Variants in CEP63 observed in about 807,000 individuals in gnomAD.
CEP63 encodes centrosomal protein 63.
In CEP63, 84 loss-of-function variants were observed where a neutral mutation model predicts 89.1. The observed-to-expected ratio is 0.94, with a 90% confidence interval of 0.79 to 1.13. CEP63 has a LOEUF of 1.13. Among genes scored for constraint, CEP63 ranks in the 50% most tolerant of loss-of-function variants. CEP63 has a pLI of 0.00. For missense variants in CEP63, 838 were observed against 813.3 expected (o/e 1.03, Z -0.37); for synonymous variants, 267 against 272.5 (o/e 0.98, Z 0.20).
chr3:134,709,362 A>G, the CEP63 span, among the ~76,000 whole-genome samples: 1 of 152,106 alleles, frequency 6.6e-6, no homozygotes, highest in Non-Finnish European at 1.5e-5. Flanking sequence ...GCTTGGAGAT[A>G]GCCAAGTTGA....
At chr3:134,519,563 C>T (rs1217317604) in intron 3 of CEP63, among the ~76,000 whole-genome samples, 1 of 152,056 alleles carries the variant, frequency 6.6e-6, no homozygotes, top group Non-Finnish European at 1.5e-5. Flanking sequence ...TTCCAGAGAA[C>T]AGAAGAAAAG....
the CEP63 span, among the ~76,000 whole-genome samples, chr3:134,705,119 C>G: frequency 6.6e-6 from 1 of 152,086 alleles, no homozygotes; most frequent in African/African-American, 2.4e-5. Context: ...TGGATTCTGT[C>G]TTAGTTCATT....
At chr3:134,672,980 C>A in the CEP63 span, among the ~76,000 whole-genome samples, 1 of 152,204 alleles carries the variant, frequency 6.6e-6, no homozygotes, top group Non-Finnish European at 1.5e-5. Context: ...TTGGTAGGAC[C>A]TGTAAGGCCC....
At chr3:134,636,787 C>A in the CEP63 span, among the ~76,000 whole-genome samples, 3 of 152,082 alleles carry the variant, frequency 2.0e-5, no homozygotes, top group Non-Finnish European at 4.4e-5. Flanking sequence ...TTTTATCAAC[C>A]CTTTAAATTT....
intron 1 of CEP63, 84 bp from the exon 2 acceptor site, chr3:134,495,212 T>C: frequency 1.0e-6 from 1 of 963,914 alleles, no homozygotes. Flanking sequence ...ATGTATGCTT[T>C]CATTCACATT....
intron 6 of CEP63, among the ~76,000 whole-genome samples, chr3:134,540,869 C>G (rs1951860296): frequency 6.6e-6 from 1 of 151,224 alleles, no homozygotes; most frequent in Non-Finnish European, 1.5e-5. Flanking sequence ...ACTGCAACCT[C>G]TGCCTCCCTT....
chr3:134,739,035 T>A, the CEP63 span, among the ~76,000 whole-genome samples: 1 of 151,728 alleles, frequency 6.6e-6, no homozygotes, highest in African/African-American at 2.4e-5. Flanking sequence ...TCATACACTG[T>A]TGGTGGGAAT....
chr3:134,746,526 A>G, the CEP63 span, among the ~76,000 whole-genome samples: 1 of 152,198 alleles, frequency 6.6e-6, no homozygotes, highest in Non-Finnish European at 1.5e-5. Context: ...GAACTAATTT[A>G]CACTCCCATC....
intron 3 of CEP63, among the ~76,000 whole-genome samples, chr3:134,511,816 C>T (rs1032018581): frequency 2.0e-5 from 3 of 152,176 alleles, no homozygotes; most frequent in Non-Finnish European, 2.9e-5. Flanking sequence ...ATGAGCCAGT[C>T]ACCTCCCACC....
intron 11 of CEP63, among the ~76,000 whole-genome samples, chr3:134,574,238 GAA>G (rs1958134146): frequency 1.3e-5 from 2 of 152,228 alleles, no homozygotes; most frequent in African/African-American, 4.8e-5. Context: ...ACTGGGGTGA[GAA>G]GAGAGATGGA....
the CEP63 span, among the ~76,000 whole-genome samples, chr3:134,675,831 TCACTTCATGAC>T: frequency 6.6e-6 from 1 of 152,214 alleles, no homozygotes; most frequent in Non-Finnish European, 1.5e-5. Flanking sequence ...CAATGAGGTA[TCACTTCATGAC>T]CACTGAAAAG....
chr3:134,650,340 A>G, the CEP63 span, among the ~76,000 whole-genome samples: 18 of 152,164 alleles, frequency 1.2e-4, no homozygotes, highest in Admixed American at 4.6e-4. Context: ...TCAAGAAAGG[A>G]GAAACTGAGG....
chr3:134,540,040 C>G (rs1951683334), intron 6 of CEP63, among the ~76,000 whole-genome samples: 2 of 152,088 alleles, frequency 1.3e-5, no homozygotes. Context: ...GGGGTAGTTG[C>G]AAACTTTAAA....
chr3:134,587,836 TAA>T (rs79610579), downstream of CEP63, among the ~76,000 whole-genome samples: 25 of 117,028 alleles, frequency 2.1e-4, no homozygotes, highest in South Asian at 2.7e-4. Flanking sequence ...GACCCCCCTA[TAA>T]AAAAAAAAAA....
the CEP63 span, among the ~76,000 whole-genome samples, chr3:134,683,284 G>A: frequency 6.6e-6 from 1 of 152,186 alleles, no homozygotes; most frequent in African/African-American, 2.4e-5. Context: ...GAAGAAAATA[G>A]TTTTGTATCT....
At chr3:134,698,840 A>G in the CEP63 span, among the ~76,000 whole-genome samples, 8 of 152,182 alleles carry the variant, frequency 5.3e-5, no homozygotes, top group Non-Finnish European at 8.8e-5. Flanking sequence ...TTCACACACC[A>G]CTGGGATGTA....
intron 3 of CEP63, among the ~76,000 whole-genome samples, chr3:134,517,371 C>T (rs964673694): frequency 2.6e-5 from 4 of 152,114 alleles, no homozygotes; most frequent in Non-Finnish European, 1.5e-5. Context: ...CAGATGAAGC[C>T]ACAATCATAG....
the CEP63 span, among the ~76,000 whole-genome samples, chr3:134,708,480 T>A: frequency 6.6e-6 from 1 of 152,182 alleles, no homozygotes. Context: ...AGGCTTGGAG[T>A]GGCCCTCATA....
the CEP63 span, among the ~76,000 whole-genome samples, chr3:134,633,516 T>A: frequency 6.6e-6 from 1 of 152,106 alleles, no homozygotes. Flanking sequence ...GGATCACACC[T>A]ATTGGTGTAG....
Sources: gnomAD v4.1 joint callset for allele counts (sites outside exome capture counted in the v4.1 genomes callset) on GRCh38, gnomAD v4.1.1 for gene constraint, MANE v1.5 for transcripts, NCBI Gene and HGNC (gene_info 2026-07-23, HGNC 2026-07-21) for gene names.